PTPRD: variants seen among roughly 807,000 people sequenced by gnomAD.
The protein encoded by PTPRD is receptor-type tyrosine-protein phosphatase delta.
PTPRD carries 34 observed loss-of-function variants against 214.5 expected under a neutral mutation model. That is an observed-to-expected ratio of 0.16 (90% CI 0.12 to 0.21). The LOEUF is 0.21. Ranked by LOEUF, PTPRD falls within the 10% of genes least tolerant of loss-of-function variation. PTPRD has a pLI of 1.00. For missense variants in PTPRD, 2,545 were observed against 2,398.7 expected, an observed-to-expected ratio of 1.06 and a Z score of -1.27; for synonymous variants, 1,128 against 845.7, an observed-to-expected ratio of 1.33 and a Z score of -5.79.
intron 6 of PTPRD, among the ~76,000 whole-genome samples, chr9:9,747,907 A>T (rs2098474606): frequency 6.6e-6 from 1 of 152,024 alleles, no homozygotes; most frequent in South Asian, 2.1e-4. Context: ...GGAATGTTTC[A>T]AAAACACTCT....
At chr9:8,943,216 CT>C (rs2099044014) in intron 11 of PTPRD, among the ~76,000 whole-genome samples, 1 of 151,916 alleles carries the variant, frequency 6.6e-6, no homozygotes, top group African/African-American at 2.4e-5. Flanking sequence ...CCAAAACAAT[CT>C]AAAGATTCAA....
intron 4 of PTPRD, among the ~76,000 whole-genome samples, chr9:9,970,545 T>A (rs2095036379): frequency 6.6e-6 from 1 of 152,030 alleles, no homozygotes; most frequent in African/African-American, 2.4e-5. Flanking sequence ...AGCAGGTATG[T>A]ACCTAGTAGG....
intron 9 of PTPRD, among the ~76,000 whole-genome samples, chr9:9,324,194 G>T (rs1968438428): frequency 6.6e-6 from 1 of 152,054 alleles, no homozygotes; most frequent in Non-Finnish European, 1.5e-5. Context: ...CAATCCTTTG[G>T]GTATACACGC....
intron 35 of PTPRD, among the ~76,000 whole-genome samples, chr9:8,429,815 C>G (rs554576755): frequency 1.3e-5 from 2 of 152,246 alleles, no homozygotes; most frequent in East Asian, 1.9e-4. Flanking sequence ...ATCAAAGAGG[C>G]CTTCTTCAGG....
At chr9:10,013,665 C>G (rs1468967171) in intron 4 of PTPRD, among the ~76,000 whole-genome samples, 1 of 151,804 alleles carries the variant, frequency 6.6e-6, no homozygotes, top group Non-Finnish European at 1.5e-5. Context: ...CTCCAGTACA[C>G]ATGGATGAAA....
In PTPRD at chr9:9,895,825, T is replaced by C. The variant is rs75308449; in HGVS notation, c.-368+42682A>G. On this transcript the variant is annotated intron_variant, in intron 5 of 45. Coordinates refer to ENST00000381196, the MANE Select transcript of PTPRD (RefSeq NM_002839.4). ...GCAGTTCCTTAAAACCTCATTGATT[T>C]ATACACTTGGTTTTTTATAGTTATG... Among the ~76,000 whole-genome samples, 554 of 152,248 alleles carry C rather than the reference T, an allele frequency of 3.6e-3. 6 individuals carry two copies. The highest frequency in any genetic ancestry group is 0.013 in the African/African-American group (543 of 41,578).
intron 12 of PTPRD, among the ~76,000 whole-genome samples, chr9:8,709,226 T>A (rs2098274050): frequency 6.6e-6 from 1 of 151,982 alleles, no homozygotes; most frequent in Non-Finnish European, 1.5e-5. Context: ...TCAAAAATGC[T>A]AACAGAGGCC....
chr9:9,483,191 C>G (rs1284489897), intron 8 of PTPRD, among the ~76,000 whole-genome samples: 1 of 152,160 alleles, frequency 6.6e-6, no homozygotes, highest in African/African-American at 2.4e-5. Context: ...CAGAAAGACT[C>G]AGTGGAGACA....
At chr9:9,030,554 T>C (rs953715424) in intron 10 of PTPRD, among the ~76,000 whole-genome samples, 1 of 151,736 alleles carries the variant, frequency 6.6e-6, no homozygotes, top group African/African-American at 2.4e-5. Context: ...AAATATACCA[T>C]GCATAAAGGA....
intron 2 of PTPRD, among the ~76,000 whole-genome samples, chr9:10,546,822 T>G (rs1332527743): frequency 6.6e-6 from 1 of 152,086 alleles, no homozygotes; most frequent in African/African-American, 2.4e-5. Context: ...AACGGCCAGA[T>G]AGATGGATAC....
chr9:10,129,050 A>G (rs183941625), intron 3 of PTPRD, among the ~76,000 whole-genome samples: 1 of 152,318 alleles, frequency 6.6e-6, no homozygotes, highest in East Asian at 1.9e-4. Context: ...GCTACTATTA[A>G]CAAGGGTAGA....
chr9:9,785,981 C>G (rs2098920427), intron 5 of PTPRD, among the ~76,000 whole-genome samples: 1 of 152,170 alleles, frequency 6.6e-6, no homozygotes, highest in South Asian at 2.1e-4. Context: ...TTTATTACCA[C>G]TTTGCTAATG....
chr9:9,529,196 TG>T (rs1339043910), intron 8 of PTPRD, among the ~76,000 whole-genome samples: 1 of 151,306 alleles, frequency 6.6e-6, no homozygotes, highest in Admixed American at 6.6e-5. Flanking sequence ...CCTCCCAAAG[TG>T]CTGGAATTAC....
chr9:9,807,769 A>G (rs894060844), intron 5 of PTPRD, among the ~76,000 whole-genome samples: 1 of 152,198 alleles, frequency 6.6e-6, no homozygotes, highest in African/African-American at 2.4e-5. Flanking sequence ...TGGAAAACAT[A>G]GGATTTCTAC....
At chr9:10,566,915 C>T (rs2065807135) in intron 2 of PTPRD, among the ~76,000 whole-genome samples, 1 of 152,022 alleles carries the variant, frequency 6.6e-6, no homozygotes, top group South Asian at 2.1e-4. Flanking sequence ...ACTATTAAAA[C>T]ATTTCTTTTC....
chr9:9,129,052 G>C (rs2099838486), intron 10 of PTPRD, among the ~76,000 whole-genome samples: 1 of 152,212 alleles, frequency 6.6e-6, no homozygotes, highest in Non-Finnish European at 1.5e-5. Context: ...CACATTTAGT[G>C]AGAGTACTGC....
chr9:10,163,925 C>A (rs1179825963), intron 3 of PTPRD, among the ~76,000 whole-genome samples: 1 of 151,156 alleles, frequency 6.6e-6, no homozygotes, highest in African/African-American at 2.4e-5. Context: ...CATATTTTGC[C>A]ATTTATTTTC....
At chr9:9,772,229 G>A (rs2098757684) in intron 5 of PTPRD, among the ~76,000 whole-genome samples, 1 of 151,970 alleles carries the variant, frequency 6.6e-6, no homozygotes, top group South Asian at 2.1e-4. Context: ...AGAGAAGACG[G>A]CCATCTACGA....
chr9:9,751,869 T>C (rs906264177), intron 6 of PTPRD, among the ~76,000 whole-genome samples: 21 of 152,286 alleles, frequency 1.4e-4, no homozygotes, highest in African/African-American at 5.0e-4. Context: ...AAAAGGTGAT[T>C]GTGAGGTTTA....
Sources: allele counts gnomAD v4.1 joint callset (sites outside exome capture counted in the v4.1 genomes callset), GRCh38; gene constraint gnomAD v4.1.1; transcripts MANE v1.5; gene names NCBI Gene and HGNC (gene_info 2026-07-23, HGNC 2026-07-21).